GRID2: variants seen among roughly 807,000 people sequenced by gnomAD.
The protein encoded by GRID2 is glutamate ionotropic receptor delta type subunit 2.
In GRID2, 33 loss-of-function variants were observed where a neutral mutation model predicts 114.8. The ratio of observed to expected loss-of-function variants is 0.29; its 90% CI spans 0.22 to 0.38. GRID2 has a LOEUF of 0.38. Ranked by LOEUF, GRID2 falls within the 10% of genes least tolerant of loss-of-function variation. The pLI is 1.00. For synonymous variants in GRID2, 505 were observed against 449.9 expected (o/e 1.12, Z -1.55); for missense variants, 1,184 against 1,257.7 (o/e 0.94, Z 0.89).
intron 12 of GRID2, among the ~76,000 whole-genome samples, chr4:93,496,804 G>C (rs577258134): frequency 2.9e-4 from 44 of 151,948 alleles, no homozygotes; most frequent in Non-Finnish European, 5.5e-4. Flanking sequence ...ATTGTTTCAA[G>C]TTTTGGGCTA....
intron 7 of GRID2, among the ~76,000 whole-genome samples, chr4:93,228,138 C>T (rs1745713762): frequency 6.6e-6 from 1 of 152,110 alleles, no homozygotes; most frequent in South Asian, 2.1e-4. Flanking sequence ...AGTTTTCTCT[C>T]TTGATTTGTC....
chr4:93,033,255 G>A (rs1724601616), intron 2 of GRID2, among the ~76,000 whole-genome samples: 1 of 152,132 alleles, frequency 6.6e-6, no homozygotes, highest in African/African-American at 2.4e-5. Context: ...TTGGTGATTT[G>A]CTAGAAGGAC....
chr4:92,710,984 G>A (rs185098769), intron 2 of GRID2, among the ~76,000 whole-genome samples: 398 of 150,692 alleles, frequency 2.6e-3, no homozygotes, highest in Non-Finnish European at 3.6e-3. Flanking sequence ...TTATAGGACC[G>A]GTTATTTATT....
At chr4:92,546,360 CCATGTTTT>C (rs1299101474) in intron 1 of GRID2, among the ~76,000 whole-genome samples, 1 of 152,136 alleles carries the variant, frequency 6.6e-6, no homozygotes, top group East Asian at 1.9e-4. Flanking sequence ...CCCCATCGTG[CCATGTTTT>C]CAGACAGACC....
At chr4:92,428,028 T>C (rs952139898) in intron 1 of GRID2, among the ~76,000 whole-genome samples, 12 of 152,052 alleles carry the variant, frequency 7.9e-5, no homozygotes, top group Admixed American at 2.0e-4. Context: ...TTTGGGAGGC[T>C]GAGGCGGGCG....
At chr4:92,332,031 G>T (rs1397248137) in intron 1 of GRID2, among the ~76,000 whole-genome samples, 1 of 152,160 alleles carries the variant, frequency 6.6e-6, no homozygotes, top group East Asian at 1.9e-4. Context: ...TCCTAAACTG[G>T]CAGAGTTTCA....
chr4:93,169,452 A>G (rs778928855), intron 4 of GRID2, among the ~76,000 whole-genome samples: 2 of 152,170 alleles, frequency 1.3e-5, no homozygotes, highest in African/African-American at 4.8e-5. Context: ...TGTTGTTTAT[A>G]TAACAAATTA....
chr4:92,922,480 C>T (rs1483510407), intron 2 of GRID2, among the ~76,000 whole-genome samples: 1 of 152,096 alleles, frequency 6.6e-6, no homozygotes, highest in Non-Finnish European at 1.5e-5. Context: ...ATTCAGCCAT[C>T]TCTCCACCCC....
At chr4:92,377,705 C>T (rs1426172324) in intron 1 of GRID2, among the ~76,000 whole-genome samples, 1 of 152,006 alleles carries the variant, frequency 6.6e-6, no homozygotes. Flanking sequence ...TGGTGGAAGG[C>T]AAGGAGGAGC....
intron 1 of GRID2, among the ~76,000 whole-genome samples, chr4:92,386,406 G>A (rs1480850862): frequency 1.3e-5 from 2 of 151,632 alleles, no homozygotes; most frequent in African/African-American, 4.8e-5. Flanking sequence ...AAGTCCTAAT[G>A]TATGGCTGTT....
chr4:93,132,236 A>G (rs1734871008), intron 4 of GRID2, among the ~76,000 whole-genome samples: 1 of 152,240 alleles, frequency 6.6e-6, no homozygotes, highest in Admixed American at 6.5e-5. Flanking sequence ...TATTTGACAT[A>G]GAACCTACAT....
At chr4:92,545,332 A>G (rs1425995008) in intron 1 of GRID2, among the ~76,000 whole-genome samples, 1 of 152,198 alleles carries the variant, frequency 6.6e-6, no homozygotes, top group Non-Finnish European at 1.5e-5. Context: ...ATAGCTGCCT[A>G]TGAATATCAT....
intron 14 of GRID2, among the ~76,000 whole-genome samples, chr4:93,761,984 G>A (rs1733252332): frequency 1.3e-5 from 2 of 152,128 alleles, no homozygotes; most frequent in South Asian, 4.1e-4. Context: ...TCTTTGAGAA[G>A]TGCTTCTGCT....
chr4:92,431,524 T>C (rs2110341225), intron 1 of GRID2, among the ~76,000 whole-genome samples: 1 of 152,212 alleles, frequency 6.6e-6, no homozygotes, highest in South Asian at 2.1e-4. Flanking sequence ...TTTGCATCAG[T>C]GTTCAACAGG....
At chr4:92,502,172 T>A (rs924739718) in intron 1 of GRID2, among the ~76,000 whole-genome samples, 5 of 152,228 alleles carry the variant, frequency 3.3e-5, no homozygotes, top group African/African-American at 1.2e-4. Context: ...GTATTTTAAT[T>A]TTTTTAACAT....
intron 2 of GRID2, among the ~76,000 whole-genome samples, chr4:93,033,008 G>A (rs1377001654): frequency 1.3e-5 from 2 of 152,142 alleles, no homozygotes; most frequent in Non-Finnish European, 2.9e-5. Flanking sequence ...TACAACTTGT[G>A]TCAAATGACA....
At chr4:92,473,750 TACTG>T (rs1560654461) in intron 1 of GRID2, among the ~76,000 whole-genome samples, 1 of 152,100 alleles carries the variant, frequency 6.6e-6, no homozygotes, top group African/African-American at 2.4e-5. Context: ...GTTCAAGTCT[TACTG>T]AGAGAGACAG....
chr4:92,798,442 A>T (rs940328498), intron 2 of GRID2, among the ~76,000 whole-genome samples: 1 of 152,020 alleles, frequency 6.6e-6, no homozygotes, highest in Non-Finnish European at 1.5e-5. Context: ...TCCCCTTGTG[A>T]TGTCTTTCTG....
chr4:92,409,205 T>C (rs1731178443), intron 1 of GRID2, among the ~76,000 whole-genome samples: 2 of 152,310 alleles, frequency 1.3e-5, no homozygotes, highest in South Asian at 4.1e-4. Context: ...TGAAAGCTTT[T>C]CACGTGTATT....
Sources: gnomAD v4.1 joint callset for allele counts (sites outside exome capture counted in the v4.1 genomes callset) on GRCh38, gnomAD v4.1.1 for gene constraint, MANE v1.5 for transcripts, NCBI Gene and HGNC (gene_info 2026-07-23, HGNC 2026-07-21) for gene names.